Variants in DPP6 observed in about 807,000 individuals in gnomAD.
DPP6 encodes the protein dipeptidyl peptidase like 6, also known as A-type potassium channel modulatory protein DPP6.
Under a neutral mutation model 122.6 loss-of-function variants are expected in DPP6, and 69 were observed. That is an observed-to-expected ratio of 0.56 (90% confidence interval 0.46 to 0.69). DPP6 has a LOEUF of 0.69. DPP6 is among the 30% of genes least tolerant of loss of function. The pLI is 0.00. For missense variants in DPP6, 928 were observed against 1,116.9 expected, an observed-to-expected ratio of 0.83 and a Z score of 2.41; for synonymous variants, 418 against 433.1, an observed-to-expected ratio of 0.97 and a Z score of 0.43.
the DPP6 span, among the ~76,000 whole-genome samples, chr7:153,753,085 C>G: frequency 6.6e-6 from 1 of 151,878 alleles, no homozygotes; most frequent in African/African-American, 2.4e-5. Context: ...AAATTCTTCG[C>G]TCTATCTGAT....
intron 1 of DPP6, among the ~76,000 whole-genome samples, chr7:154,029,026 C>T: frequency 6.7e-6 from 1 of 149,144 alleles, no homozygotes; most frequent in East Asian, 2.0e-4. Flanking sequence ...GCAGGTGCCT[C>T]TGAGAGTCCG....
At position 153,968,111 on chromosome 7, in the gene DPP6, C is replaced by G. The variant is rs1355297920; in HGVS notation, c.51+80377C>G. On this transcript the variant is annotated intron_variant, in intron 1 of 25. Transcript: ENST00000404039. ...ATTGCTGGGTCGAATGGTATTTCAA[C>G]TCTTAGTTCTTTGAGCCTGCTCTTC... 8.7e-5 allele frequency among the ~76,000 whole-genome samples: 13 copies of G among 149,916 alleles called. No individual in the cohort carries two copies. In the East Asian group the frequency reaches 2.5e-3, roughly 29 times the overall value.
intron 1 of DPP6, among the ~76,000 whole-genome samples, chr7:154,041,951 G>T (rs1360105574): frequency 6.6e-6 from 1 of 152,116 alleles, no homozygotes; most frequent in African/African-American, 2.4e-5. Flanking sequence ...TAGAGCCGGG[G>T]TTTCACCATG....
At chr7:154,430,081 G>A (rs930373878) in intron 1 of DPP6, among the ~76,000 whole-genome samples, 5 of 152,064 alleles carry the variant, frequency 3.3e-5, no homozygotes, top group African/African-American at 1.2e-4. Context: ...TCTAGGGGCC[G>A]CTGTCAGAAT....
intron 1 of DPP6, among the ~76,000 whole-genome samples, chr7:154,371,354 GGGA>G (rs1206970673): frequency 9.4e-5 from 11 of 117,248 alleles, no homozygotes; most frequent in Admixed American, 3.4e-4. Context: ...ACTCCAGCCT[GGGA>G]GACAGAGTGA....
intron 1 of DPP6, among the ~76,000 whole-genome samples, chr7:154,019,805 A>C (rs1585185515): frequency 6.6e-6 from 1 of 152,248 alleles, no homozygotes; most frequent in Admixed American, 6.5e-5. Context: ...CAACCTTTGT[A>C]AAATCTTTAT....
chr7:154,262,319 A>G (rs1342293674), intron 1 of DPP6, among the ~76,000 whole-genome samples: 1 of 152,130 alleles, frequency 6.6e-6, no homozygotes, highest in Non-Finnish European at 1.5e-5. Flanking sequence ...CGGGCCTTTA[A>G]AGAGGTAATT....
chr7:153,867,975 C>T, the DPP6 span, among the ~76,000 whole-genome samples: 1 of 152,108 alleles, frequency 6.6e-6, no homozygotes, highest in Non-Finnish European at 1.5e-5. Context: ...GTATGTTGAA[C>T]CAGCCTTGCA....
At chr7:154,129,919 G>T (rs1459282929) in intron 1 of DPP6, among the ~76,000 whole-genome samples, 3 of 149,816 alleles carry the variant, frequency 2.0e-5, no homozygotes, top group African/African-American at 7.4e-5. Context: ...AAAAGAAAAA[G>T]AAAAAAATTA....
chr7:154,302,521 G>A (rs1385680425), intron 1 of DPP6, among the ~76,000 whole-genome samples: 1 of 152,208 alleles, frequency 6.6e-6, no homozygotes, highest in African/African-American at 2.4e-5. Context: ...GGCTCCTGAT[G>A]ACAGATGGGT....
chr7:154,530,715 G>T (rs548135040), intron 3 of DPP6, among the ~76,000 whole-genome samples: 2 of 152,072 alleles, frequency 1.3e-5, no homozygotes, highest in Admixed American at 6.6e-5. Flanking sequence ...AGCACTGTTC[G>T]CAATAGCAAA....
intron 1 of DPP6, among the ~76,000 whole-genome samples, chr7:154,140,541 G>A (rs1430930239): frequency 1.3e-5 from 2 of 151,978 alleles, no homozygotes; most frequent in African/African-American, 2.4e-5. Context: ...GGTTGGTCTC[G>A]GACTCCTGGA....
chr7:154,281,631 C>G (rs1435592161), intron 1 of DPP6, among the ~76,000 whole-genome samples: 1 of 152,146 alleles, frequency 6.6e-6, no homozygotes, highest in Non-Finnish European at 1.5e-5. Context: ...AGAGAAGGCA[C>G]TAGGAGATCT....
In DPP6 at chr7:154,053,036, G is replaced by A. The variant is rs761513559; in HGVS notation, c.216G>A (p.Gln72=). The stretch of plus-strand genomic sequence containing the variant: ...GTGGCCGGCCCCGGTTCCAGTACCA[G>A]GCGCGGAGCGATGGTGACGAGGAGG... The part of the protein sequence containing the change: ...GAGGRPRFQY[Q]ARSDGDEEDE... Residue 72 remains glutamine, a synonymous_variant, in exon 1 of 26, where the codon CAG becomes CAA. Transcript: ENST00000377770. 561 of 1,060,952 alleles carry A rather than the reference G, an allele frequency of 5.3e-4. 1 individual carries two copies. The highest frequency in any genetic ancestry group is 6.2e-4 in the Non-Finnish European group (542 of 877,660). The allele number at this position is 1,060,952 out of a possible 1,614,324, so 65.7% of individuals were successfully genotyped here. A position where few individuals can be genotyped will look rare whatever the true frequency, so the allele number is the denominator to read the frequency against.
At chr7:154,443,680 G>A (rs1819604295) in intron 1 of DPP6, among the ~76,000 whole-genome samples, 1 of 150,168 alleles carries the variant, frequency 6.7e-6, no homozygotes, top group South Asian at 2.1e-4. Context: ...ATGGATGAGT[G>A]GATGGATGGG....
intron 1 of DPP6, among the ~76,000 whole-genome samples, chr7:154,313,082 A>G (rs1054996576): frequency 1.3e-5 from 2 of 152,218 alleles, no homozygotes; most frequent in Non-Finnish European, 2.9e-5. Context: ...TCTGAGTGGG[A>G]AAGGGAAGGA....
chr7:153,753,016 G>C, the DPP6 span, among the ~76,000 whole-genome samples: 4 of 152,166 alleles, frequency 2.6e-5, no homozygotes, highest in Non-Finnish European at 4.4e-5. Flanking sequence ...CATGGATATA[G>C]GTCCTGGTAA....
chr7:154,227,934 G>T (rs943958468), intron 1 of DPP6, among the ~76,000 whole-genome samples: 2 of 152,128 alleles, frequency 1.3e-5, no homozygotes, highest in African/African-American at 2.4e-5. Flanking sequence ...TATTTAACCT[G>T]CTCAGAAATT....
chr7:153,776,315 A>G, the DPP6 span, among the ~76,000 whole-genome samples: 2 of 152,134 alleles, frequency 1.3e-5, no homozygotes, highest in Non-Finnish European at 2.9e-5. Flanking sequence ...TAATTGAATC[A>G]TGGGGGCGGT....
Sources: allele counts gnomAD v4.1 joint callset (sites outside exome capture counted in the v4.1 genomes callset), GRCh38; gene constraint gnomAD v4.1.1; transcripts MANE v1.5; gene names NCBI Gene and HGNC (gene_info 2026-07-23, HGNC 2026-07-21).